Variants in HR observed in about 807,000 individuals in gnomAD.
HR encodes lysine-specific demethylase hairless.
In HR, 83 loss-of-function variants were observed where a neutral mutation model predicts 128.6. That is an observed-to-expected ratio of 0.65 (90% CI 0.54 to 0.77). HR has a LOEUF of 0.77. Ranked by LOEUF, HR falls within the 30% of genes least tolerant of loss-of-function variation. The probability of loss-of-function intolerance (pLI) is 0.00; values close to 1 mark genes in which losing one functional copy is unlikely to be tolerated. For synonymous variants in HR, 681 were observed against 658.2 expected (o/e 1.03, Z -0.53); for missense variants, 1,490 against 1,574.6 (o/e 0.95, Z 0.91).
At chr8:22,115,994 G>C (rs977520967) in intron 18 of HR, among the ~76,000 whole-genome samples, 1 of 152,128 alleles carries the variant, frequency 6.6e-6, no homozygotes, top group Non-Finnish European at 1.5e-5. Context: ...ATTTAACCAG[G>C]CATGGTGGTG....
At chr8:22,128,090 CTG>C in intron 2 of HR, 1 of 588,418 alleles carries the variant, frequency 1.7e-6, no homozygotes, top group Non-Finnish European at 3.0e-6. Flanking sequence ...CAAAGGGCAT[CTG>C]GGGTCTGTTT....
intron 16 of HR, chr8:22,118,724 G>A (rs1027515374): frequency 2.2e-5 from 13 of 580,330 alleles, no homozygotes; most frequent in African/African-American, 7.5e-5. Context: ...TTTCATCATC[G>A]GGTCCAGGCT....
intron 2 of HR, 86 bp downstream of exon 2, chr8:22,128,473 T>A: frequency 6.4e-7 from 1 of 1,568,436 alleles, no homozygotes; most frequent in Non-Finnish European, 8.7e-7. Flanking sequence ...CCTTCTCTTT[T>A]CATCACAGTG....
rs754908515 is a variant in HR at position 22,121,201 on chromosome 8, G to C, written c.2231C>G (p.Ala744Gly). The change falls in exon 10 of 19, where the codon GCA becomes GGA. Residue 744 changes from alanine (A) to glycine (G), a missense_variant. Around this residue, in one of 3 missense-constraint regions of HR, gnomAD observed 1,060 missense variants for 1,060.9 expected, o/e 1.00. Coordinates refer to ENST00000381418, the MANE Select transcript of HR (RefSeq NM_005144.5). Reference protein sequence around the residue: ...EETPDSAETPAEDRAGRGPLP... With the variant: ...EETPDSAETPGEDRAGRGPLP... ...GGGCCCTCGGCCAGCACGGTCCTCT[G>C]CTGGGGTCTCAGCGGAATCGGGGGT... 6.2e-7 allele frequency: 1 copy of C among 1,613,796 alleles called. No individual in the cohort carries two copies. Among genetic ancestry groups the C allele is most frequent in the African/African-American group, 1.3e-5 (1 of 74,962 alleles).
rs886062811 is a variant in HR, at chr8:22,130,826, T to C, written c.-439A>G. ...GGGAACACGCGCCCCGGGTCGGAGA[T>C]GGCCGAGTTGGGGGAAAGGCCGAGG... On this transcript the variant is annotated 5_prime_UTR_variant, in exon 1 of 19. Transcript: ENST00000381418. 23 of 151,610 alleles carry C rather than the reference T, an allele frequency of 1.5e-4. No individual in the cohort carries two copies. Among genetic ancestry groups the C allele is most frequent in the East Asian group, 7.8e-4 (4 of 5,124 alleles). The allele number at this position is 151,610 out of a possible 1,614,324, so 9.4% of individuals were successfully genotyped here.
chr8:22,120,600 C>T (rs941067816), intron 11 of HR, 93 bp from the exon 12 acceptor site: 82 of 1,589,334 alleles, frequency 5.2e-5, no homozygotes, highest in African/African-American at 1.1e-4. Context: ...TAGAACAGCT[C>T]GGGGACAGCC....
intron 2 of HR, 46 bp from the exon 3 acceptor site, chr8:22,127,875 CA>C: frequency 6.4e-7 from 1 of 1,570,258 alleles, no homozygotes. Flanking sequence ...TTGGGCTCCC[CA>C]TGCCTAAATG....
chr8:22,129,415 C>T (rs1826992675), intron 1 of HR, among the ~76,000 whole-genome samples: 1 of 152,244 alleles, frequency 6.6e-6, no homozygotes, highest in South Asian at 2.1e-4. Flanking sequence ...TTACCCCTTC[C>T]CCAAATTCCA....
rs1269009648 is a variant in HR at position 22,114,788 on chromosome 8, T to G, written c.*912A>C. 1 of 152,392 alleles carries G rather than the reference T, an allele frequency of 6.6e-6. No homozygotes were observed. Among genetic ancestry groups the G allele is most frequent in the African/African-American group, 2.4e-5 (1 of 41,448 alleles). 9.4% of individuals were successfully genotyped at this position (152,392 alleles called of 1,614,324 possible). On this transcript the variant is annotated 3_prime_UTR_variant, in exon 19 of 19. Coordinates refer to ENST00000381418, the MANE Select transcript of HR (RefSeq NM_005144.5). ...GGGTGGAGTAGGGCTCGGGAGTCTC[T>G]GCACAGGGAGGTCACCTCGTGGCTG...
chr8:22,125,679 A>G lies in HR; in HGVS notation c.1459T>C (p.Cys487Arg). 1 of 1,613,930 alleles carries G rather than the reference A, an allele frequency of 6.2e-7. No individual in the cohort carries two copies. The highest frequency in any genetic ancestry group is 1.3e-5 in the African/African-American group (1 of 75,068). Residue 487 changes from cysteine to arginine, a missense_variant, in exon 4 of 19, where the codon TGC (cysteine) becomes CGC (arginine). Cys to Arg is a radical substitution (Grantham distance 180, BLOSUM62 -3). Coordinates refer to ENST00000381418, the MANE Select transcript of HR (RefSeq NM_005144.5). Reference protein sequence around the residue: ...LQDPGLQDIPCLALPAKLAQC... With the variant: ...LQDPGLQDIPRLALPAKLAQC... ...GCCAGTTTTGCAGGGAGAGCCAGGC[A>G]TGGTATGTCCTGAAGTCCCGGGTCC...
At chr8:22,128,300 C>T (rs1826954678) in intron 2 of HR, 3 of 591,588 alleles carry the variant, frequency 5.1e-6, no homozygotes, top group South Asian at 3.9e-5. Context: ...GCCACAGTTC[C>T]CAGGACCTTA....
chr8:22,127,928 G>A (rs1826943952), intron 2 of HR, 99 bp from the exon 3 acceptor site: 2 of 1,194,136 alleles, frequency 1.7e-6, no homozygotes, highest in African/African-American at 1.5e-5. Flanking sequence ...GGAGAATACT[G>A]AAGCCCTCAC....
intron 3 of HR, 66 bp from the exon 4 acceptor site, chr8:22,125,798 C>A (rs1826875175): frequency 3.2e-6 from 5 of 1,564,792 alleles, no homozygotes; most frequent in Non-Finnish European, 3.5e-6. Context: ...CATTCCTCAC[C>A]TTAGCGCCCA....
chr8:22,123,336 CT>C (rs1336107221), intron 6 of HR, among the ~76,000 whole-genome samples: 1 of 152,162 alleles, frequency 6.6e-6, no homozygotes, highest in Admixed American at 6.5e-5. Context: ...TTTTTCTTAT[CT>C]GGAAAACAAA....
intron 6 of HR, among the ~76,000 whole-genome samples, chr8:22,123,094 G>A (rs1826796953): frequency 6.6e-6 from 1 of 152,170 alleles, no homozygotes; most frequent in Admixed American, 6.6e-5. Context: ...AGGTCCTTAG[G>A]CTAACCATGT....
rs555198312 is a variant in HR at position 22,128,991 on chromosome 8, C to G, written c.180G>C (p.Trp60Cys). The change falls in exon 2 of 19, where the codon TGG (tryptophan) becomes TGC (cysteine). Residue 60 changes from tryptophan (W) to cysteine (C), a missense_variant. Trp to Cys is a radical substitution (Grantham distance 215). This residue lies in a region of HR where 1,060 missense variants were observed against 1,060.9 expected (regional missense o/e 1.00). Coordinates refer to ENST00000381418, the MANE Select transcript of HR (RefSeq NM_005144.5). ...GGCCCTGGGGGAAGCCAGGGGGAAG[C>G]CAGGAGTCTGGGGTGCTCAGGACGC... ...WRGVLSTPDS[W>C]LPPGFPQGPK... 1.2e-6 allele frequency: 2 copies of G among 1,613,124 alleles called. No homozygotes were observed. The highest frequency in any genetic ancestry group is 2.2e-5 in the South Asian group (2 of 91,068).
At position 22,120,767 on chromosome 8, in the gene HR, A is replaced by G. The variant is rs752768759; in HGVS notation, c.2559T>C (p.Pro853=). Residue 853 remains proline (P), a synonymous_variant, in exon 11 of 19, where the codon CCT becomes CCC. Coordinates refer to ENST00000381418, the MANE Select transcript of HR (RefSeq NM_005144.5). Reference sequence around the variant, plus strand: ...AGAGGTGGAAGCCACGCCGAGGGCAAGGCTGGGGCTCCTGCAGCCACAGCA... The same window carrying G: ...AGAGGTGGAAGCCACGCCGAGGGCAGGGCTGGGGCTCCTGCAGCCACAGCA... ...GALLWLQEPQ[P]CPRRGFHLFQ... is the part of the protein sequence containing the mutation. The G allele has an allele frequency of 1.3e-6, 2 of 1,525,904 alleles. No homozygotes were observed. Among genetic ancestry groups the G allele is most frequent in the Admixed American group, 2.0e-5 (1 of 48,944 alleles). 94.5% of individuals were successfully genotyped at this position (1,525,904 alleles called of 1,614,324 possible). A position where few individuals can be genotyped will look rare whatever the true frequency, so the allele number is the denominator to read the frequency against.
intron 8 of HR, 118 bp downstream of exon 8, chr8:22,122,375 C>T (rs1040007841): frequency 1.4e-6 from 1 of 721,582 alleles, no homozygotes; most frequent in Non-Finnish European, 2.3e-6. Flanking sequence ...TGGGAATTAG[C>T]CTGATCCCAC....
chr8:22,122,742 C>G, intron 7 of HR, 48 bp downstream of exon 7: 1 of 1,527,056 alleles, frequency 6.5e-7, no homozygotes, highest in Non-Finnish European at 8.9e-7. Flanking sequence ...AAGCTGGTCT[C>G]CCTCAGGACC....
Sources: allele counts gnomAD v4.1 joint callset (sites outside exome capture counted in the v4.1 genomes callset), GRCh38; gene constraint gnomAD v4.1.1; regional missense constraint gnomAD v4.1.1; transcripts MANE v1.5; gene names NCBI Gene and HGNC (gene_info 2026-07-23, HGNC 2026-07-21).